SLC41A2: variants seen among roughly 807,000 people sequenced by gnomAD.
SLC41A2 encodes solute carrier family 41 member 2.
A neutral mutation model predicts 58.3 loss-of-function variants in SLC41A2; 32 were observed. That is an observed-to-expected ratio of 0.55 (90% CI 0.41 to 0.74). The LOEUF is 0.74. Ranked by LOEUF, SLC41A2 falls within the 30% of genes least tolerant of loss-of-function variation. The probability of loss-of-function intolerance (pLI) is 0.00; values close to 1 mark genes in which losing one functional copy is unlikely to be tolerated. For missense variants in SLC41A2, 514 were observed against 680.6 expected (o/e 0.76, Z 2.72); for synonymous variants, 190 against 235.0 (o/e 0.81, Z 1.75).
intron 2 of SLC41A2, among the ~76,000 whole-genome samples, chr12:104,921,825 T>C (rs79699928): frequency 0.015 from 2,221 of 152,142 alleles, 69 homozygotes; most frequent in African/African-American, 0.05. Context: ...CATTAAGAGA[T>C]AGGCAATATA....
intron 1 of SLC41A2, among the ~76,000 whole-genome samples, chr12:104,948,943 C>T (rs1043713277): frequency 2.0e-5 from 3 of 152,154 alleles, no homozygotes; most frequent in African/African-American, 4.8e-5. Context: ...TACGGCTGGG[C>T]GTGGTGGCTC....
chr12:104,885,092 A>C (rs530741544), intron 6 of SLC41A2, among the ~76,000 whole-genome samples: 1 of 152,268 alleles, frequency 6.6e-6, no homozygotes, highest in Non-Finnish European at 1.5e-5. Flanking sequence ...ATATACTTAA[A>C]CATGTATCAT....
intron 2 of SLC41A2, among the ~76,000 whole-genome samples, chr12:104,924,894 G>GA (rs1051945794): frequency 9.2e-5 from 14 of 151,972 alleles, no homozygotes; most frequent in African/African-American, 3.4e-4. Context: ...AATGTTGAGG[G>GA]AAAAAAAGCC....
intron 10 of SLC41A2, among the ~76,000 whole-genome samples, chr12:104,822,457 T>A (rs528868374): frequency 6.6e-6 from 1 of 152,286 alleles, no homozygotes; most frequent in East Asian, 1.9e-4. Flanking sequence ...CTACTCAAAT[T>A]TGAAAAATTA....
chr12:104,878,324 T>C (rs1565865499), intron 6 of SLC41A2, among the ~76,000 whole-genome samples: 1 of 148,094 alleles, frequency 6.8e-6, no homozygotes, highest in Non-Finnish European at 1.5e-5. Context: ...TATATATATA[T>C]ATACATTTTT....
At chr12:104,899,685 G>T (rs1433115875) in intron 3 of SLC41A2, among the ~76,000 whole-genome samples, 3 of 152,114 alleles carry the variant, frequency 2.0e-5, no homozygotes, top group Non-Finnish European at 2.9e-5. Context: ...TTGCGTATGA[G>T]ATTTCTTTAT....
intron 1 of SLC41A2, among the ~76,000 whole-genome samples, chr12:104,929,109 T>C (rs1299544564): frequency 6.6e-6 from 1 of 152,206 alleles, no homozygotes; most frequent in Non-Finnish European, 1.5e-5. Flanking sequence ...TATGGCATTA[T>C]ACTTTAAACA....
chr12:104,918,945 T>C (rs766541242), intron 2 of SLC41A2, among the ~76,000 whole-genome samples: 3 of 152,124 alleles, frequency 2.0e-5, no homozygotes, highest in African/African-American at 2.4e-5. Context: ...AGTCAAGATA[T>C]AGAACATTTC....
At chr12:104,831,514 G>C (rs967254813) in intron 10 of SLC41A2, among the ~76,000 whole-genome samples, 10 of 152,126 alleles carry the variant, frequency 6.6e-5, no homozygotes, top group African/African-American at 2.4e-4. Context: ...TATTTTTACT[G>C]CACTGTTTCT....
At chr12:104,805,482 T>C (rs919030740) in intron 10 of SLC41A2, 145 bp from the exon 11 acceptor site, 1 of 574,158 alleles carries the variant, frequency 1.7e-6, no homozygotes. Context: ...AATACTTAGA[T>C]GACAAGAATA....
intron 2 of SLC41A2, among the ~76,000 whole-genome samples, chr12:104,917,260 C>T (rs1163191693): frequency 6.6e-6 from 1 of 150,798 alleles, no homozygotes; most frequent in Non-Finnish European, 1.5e-5. Context: ...AAATGCAAAT[C>T]AAAACCACAA....
At chr12:104,930,394 TACATCTGGA>T (rs3841222) in intron 1 of SLC41A2, among the ~76,000 whole-genome samples, 12,368 of 152,250 alleles carry the variant, frequency 0.081, 551 homozygotes, top group Middle Eastern at 0.11. Flanking sequence ...GGCTGAGCTA[TACATCTGGA>T]ACTTAGGAGA....
chr12:104,835,264 C>A (rs548565204), intron 10 of SLC41A2, among the ~76,000 whole-genome samples: 145 of 152,314 alleles, frequency 9.5e-4, no homozygotes, highest in African/African-American at 3.1e-3. Flanking sequence ...TAAATTATCT[C>A]ACACTGCATC....
intron 2 of SLC41A2, among the ~76,000 whole-genome samples, chr12:104,911,670 C>G (rs1253913184): frequency 6.6e-6 from 1 of 152,090 alleles, no homozygotes; most frequent in Non-Finnish European, 1.5e-5. Flanking sequence ...TAGGCTGTTC[C>G]AAACAGATGT....
chr12:104,957,406 A>T (rs1444584907), intron 1 of SLC41A2, among the ~76,000 whole-genome samples: 1 of 152,078 alleles, frequency 6.6e-6, no homozygotes, highest in Admixed American at 6.6e-5. Flanking sequence ...ACTAAGAGAG[A>T]CAGGGTTTCT....
intron 1 of SLC41A2, among the ~76,000 whole-genome samples, chr12:104,939,239 T>G (rs2047404469): frequency 6.6e-6 from 1 of 152,190 alleles, no homozygotes; most frequent in South Asian, 2.1e-4. Flanking sequence ...GTTCTGTCAC[T>G]CAGGCTAGAG....
intron 10 of SLC41A2, among the ~76,000 whole-genome samples, chr12:104,833,211 A>G (rs957184543): frequency 6.6e-6 from 1 of 152,222 alleles, no homozygotes; most frequent in Non-Finnish European, 1.5e-5. Flanking sequence ...TTTTAAATTC[A>G]TTCAATCAAT....
At chr12:104,824,977 T>C (rs763450702) in intron 10 of SLC41A2, among the ~76,000 whole-genome samples, 4 of 152,140 alleles carry the variant, frequency 2.6e-5, no homozygotes, top group Admixed American at 1.3e-4. Flanking sequence ...CTGTTTCCCT[T>C]CACAGAGTTT....
chr12:104,872,070 G>C (rs1014383450), intron 6 of SLC41A2, among the ~76,000 whole-genome samples: 1 of 151,950 alleles, frequency 6.6e-6, no homozygotes, highest in Non-Finnish European at 1.5e-5. Context: ...ACTGGGAGAG[G>C]GGAATGAGGA....
Sources: allele counts gnomAD v4.1 joint callset (sites outside exome capture counted in the v4.1 genomes callset), GRCh38; gene constraint gnomAD v4.1.1; transcripts MANE v1.5; gene names NCBI Gene and HGNC (gene_info 2026-07-23, HGNC 2026-07-21).